The following DLG2 variants were observed in gnomAD, a reference collection of about 807,000 sequenced individuals.
DLG2 encodes the protein discs large MAGUK scaffold protein 2, also known as disks large homolog 2.
Under a neutral mutation model 132.5 loss-of-function variants are expected in DLG2, and 45 were observed. The ratio of observed to expected loss-of-function variants is 0.34; its 90% CI spans 0.27 to 0.44. The LOEUF is 0.44. DLG2 is among the 20% of genes least tolerant of loss of function. DLG2 has a pLI of 1.00. For missense variants in DLG2, 1,045 were observed against 1,196.9 expected, an observed-to-expected ratio of 0.87 and a Z score of 1.87; for synonymous variants, 424 against 419.6, an observed-to-expected ratio of 1.01 and a Z score of -0.13.
chr11:84,113,674 T>G (rs1001005858), intron 9 of DLG2, among the ~76,000 whole-genome samples: 2 of 152,170 alleles, frequency 1.3e-5, no homozygotes, highest in Admixed American at 6.5e-5. Context: ...ATGTCAACAT[T>G]TGGAGAATCT....
rs189425029 is a variant in DLG2, at chr11:84,785,330, A to G, written c.358-250599T>C. On this transcript the variant is annotated intron_variant, in intron 6 of 27. Coordinates refer to ENST00000376104, the MANE Select transcript of DLG2 (RefSeq NM_001142699.3). ...ATATTATCTTATGTTATGGTTCCCT[A>G]TATCTCCCATGAATTGGAAGTTAAA... Among the ~76,000 whole-genome samples, 341 of 152,188 alleles carry G rather than the reference A, an allele frequency of 2.2e-3. 2 individuals carry two copies. Among genetic ancestry groups the G allele is most frequent in the African/African-American group, 8.0e-3 (332 of 41,542 alleles).
chr11:84,389,083 A>G (rs1291974167), intron 7 of DLG2, among the ~76,000 whole-genome samples: 1 of 152,168 alleles, frequency 6.6e-6, no homozygotes, highest in Non-Finnish European at 1.5e-5. Flanking sequence ...AGAGAGCACC[A>G]TATCTATAGC....
chr11:85,497,775 C>G (rs541526720), intron 3 of DLG2, among the ~76,000 whole-genome samples: 57 of 152,160 alleles, frequency 3.7e-4, no homozygotes, highest in Non-Finnish European at 5.6e-4. Flanking sequence ...AGTCAATATT[C>G]AACATTCTTA....
chr11:84,308,132 GC>G (rs577188811), intron 7 of DLG2, among the ~76,000 whole-genome samples: 1 of 152,074 alleles, frequency 6.6e-6, no homozygotes, highest in South Asian at 2.1e-4. Context: ...CTCTTATCTG[GC>G]CCCACCCACA....
intron 6 of DLG2, among the ~76,000 whole-genome samples, chr11:84,928,782 G>C (rs2047700609): frequency 6.6e-6 from 1 of 151,094 alleles, no homozygotes; most frequent in African/African-American, 2.4e-5. Flanking sequence ...TCATTTCAGG[G>C]CTTCTCAAAA....
rs758149547 is a variant in DLG2 at position 84,807,446 on chromosome 11, CA to C, written c.358-272716del. Among the ~76,000 whole-genome samples the C allele has an allele frequency of 1.0e-3, 158 of 151,294 alleles. 1 individual carries two copies. Among genetic ancestry groups the C allele is most frequent in the Non-Finnish European group, 1.1e-3 (72 of 67,836 alleles). On this transcript the variant is annotated intron_variant, in intron 6 of 27. Transcript: ENST00000376104. ...GGGCGACAAGAGTGAAACTCCATCT[CA>C]AAAAAACAAAAAACAAAAAAGCAAA... is the stretch of plus-strand genomic sequence containing the variant.
In DLG2 at chr11:84,279,316, T is replaced by G. The variant is rs566831835; in HGVS notation, c.520-28025A>C. Reference sequence around the variant, plus strand: ...TCATTAAAAAGGAAACAACAGATGCTGGAGAGAATGTGGAGAAATAGGAAC... The same window carrying G: ...TCATTAAAAAGGAAACAACAGATGCGGGAGAGAATGTGGAGAAATAGGAAC... On this transcript the variant is annotated intron_variant, in intron 7 of 27. Coordinates refer to ENST00000376104, the MANE Select transcript of DLG2 (RefSeq NM_001142699.3). Among the ~76,000 whole-genome samples, 10 of 152,242 alleles carry G rather than the reference T, an allele frequency of 6.6e-5. No individual in the cohort carries two copies. In the East Asian group the frequency reaches 1.5e-3, roughly 24 times the overall value.
chr11:84,576,346 A>G (rs2099500021), intron 6 of DLG2, among the ~76,000 whole-genome samples: 1 of 152,208 alleles, frequency 6.6e-6, no homozygotes, highest in Non-Finnish European at 1.5e-5. Context: ...AGAATGAATG[A>G]ATTATATTTA....
At chr11:85,444,849 T>C (rs1252513643) in intron 3 of DLG2, among the ~76,000 whole-genome samples, 1 of 152,238 alleles carries the variant, frequency 6.6e-6, no homozygotes, top group Non-Finnish European at 1.5e-5. Flanking sequence ...AAGCCACAAT[T>C]ACTTTTGCAC....
intron 6 of DLG2, among the ~76,000 whole-genome samples, chr11:84,619,084 C>T (rs2099609463): frequency 6.6e-6 from 1 of 151,732 alleles, no homozygotes; most frequent in Admixed American, 6.6e-5. Flanking sequence ...AATTACAGAA[C>T]ACACATTTTT....
chr11:85,057,526 T>A (rs2063578550), intron 6 of DLG2, among the ~76,000 whole-genome samples: 3 of 151,608 alleles, frequency 2.0e-5, no homozygotes. Flanking sequence ...ATTTAAAACC[T>A]TTACAGAAGG....
intron 6 of DLG2, among the ~76,000 whole-genome samples, chr11:84,555,033 G>A (rs969241096): frequency 1.3e-5 from 2 of 152,092 alleles, no homozygotes; most frequent in Non-Finnish European, 2.9e-5. Context: ...CAAACATGAG[G>A]AAGGAGAGGT....
chr11:83,728,934 C>A (rs1345223265), intron 18 of DLG2, among the ~76,000 whole-genome samples: 1 of 152,188 alleles, frequency 6.6e-6, no homozygotes, highest in African/African-American at 2.4e-5. Context: ...ATATTGTTGT[C>A]CTGTTTTATT....
intron 6 of DLG2, among the ~76,000 whole-genome samples, chr11:84,980,806 A>AT (rs2055629717): frequency 6.6e-6 from 1 of 152,126 alleles, no homozygotes; most frequent in Admixed American, 6.6e-5. Context: ...GTGTGTATTA[A>AT]TTTTTATTCT....
At chr11:84,854,056 A>G (rs1599825252) in intron 6 of DLG2, among the ~76,000 whole-genome samples, 2 of 152,004 alleles carry the variant, frequency 1.3e-5, no homozygotes, top group South Asian at 4.1e-4. Flanking sequence ...CAGACTCATA[A>G]TACTGGGGAT....
intron 6 of DLG2, among the ~76,000 whole-genome samples, chr11:85,028,393 C>T (rs894320757): frequency 1.3e-5 from 2 of 152,162 alleles, no homozygotes; most frequent in African/African-American, 4.8e-5. Context: ...TGCTTCAGGC[C>T]GTTCTTGGCT....
At chr11:85,340,159 A>C (rs1425485787) in intron 3 of DLG2, among the ~76,000 whole-genome samples, 1 of 152,210 alleles carries the variant, frequency 6.6e-6, no homozygotes, top group East Asian at 1.9e-4. Context: ...AAAGGATTAT[A>C]AATCATGCTA....
At chr11:84,792,345 T>G (rs1377547202) in intron 6 of DLG2, among the ~76,000 whole-genome samples, 1 of 152,106 alleles carries the variant, frequency 6.6e-6, no homozygotes, top group Non-Finnish European at 1.5e-5. Flanking sequence ...AGTATTTTGC[T>G]GAGTATTTTT....
At chr11:84,051,664 C>A (rs1409621403) in intron 11 of DLG2, among the ~76,000 whole-genome samples, 3 of 150,400 alleles carry the variant, frequency 2.0e-5, no homozygotes, top group Non-Finnish European at 4.4e-5. Flanking sequence ...AGGAGATATA[C>A]CTAATGTTAA....
Sources: gnomAD v4.1 joint callset for allele counts (sites outside exome capture counted in the v4.1 genomes callset) on GRCh38, gnomAD v4.1.1 for gene constraint, MANE v1.5 for transcripts, NCBI Gene and HGNC (gene_info 2026-07-23, HGNC 2026-07-21) for gene names.